ENGASE: variants seen among roughly 807,000 people sequenced by gnomAD.
The protein encoded by ENGASE is endo-beta-N-acetylglucosaminidase.
A neutral mutation model predicts 78.5 loss-of-function variants in ENGASE; 69 were observed. The observed-to-expected ratio is 0.88, with a 90% CI of 0.72 to 1.07. The LOEUF (loss-of-function observed/expected upper bound fraction) is 1.07. Among genes scored for constraint, ENGASE ranks in the 50% least tolerant of loss-of-function variants. ENGASE has a pLI of 0.00. For synonymous variants in ENGASE, 408 were observed against 408.9 expected (o/e 1.00, Z 0.03); for missense variants, 943 against 988.4 (o/e 0.95, Z 0.62).
At chr17:79,082,314 G>A (rs899301802) in intron 7 of ENGASE, 9 of 1,397,544 alleles carry the variant, frequency 6.4e-6, no homozygotes, top group Middle Eastern at 1.9e-4. Flanking sequence ...AGACAGAGGC[G>A]CGTCGTTCCC....
chr17:79,087,162 G>A lies in ENGASE; in HGVS notation c.*813G>A, dbSNP rs967042888. 2.9e-5 allele frequency: 12 copies of A among 415,094 alleles called. No homozygotes were observed. Among genetic ancestry groups the A allele is most frequent in the Non-Finnish European group, 5.9e-5 (12 of 201,794 alleles). 25.7% of individuals were successfully genotyped at this position (415,094 alleles called of 1,614,324 possible). On this transcript the variant is annotated 3_prime_UTR_variant, in exon 14 of 14. Transcript: ENST00000579016. Reference sequence around the variant, plus strand: ...AGAGGCCGTGGGCTCTGGACAAGCCGCCCTTCAGGCTGGGGTAGCAGGTCA... The same window carrying A: ...AGAGGCCGTGGGCTCTGGACAAGCCACCCTTCAGGCTGGGGTAGCAGGTCA...
rs768983444 is a variant in ENGASE, at chr17:79,082,751, C to T, written c.1039-269C>T. On this transcript the variant is annotated intron_variant, in intron 7 of 13. Coordinates refer to ENST00000579016, the MANE Select transcript of ENGASE (RefSeq NM_001042573.3). ...GAGGTGTGCCAGAGGACAATGGGACCGCGCAGCCACAGCCAGTTGGGGCCC... is the reference window on the plus strand; with the variant it reads ...GAGGTGTGCCAGAGGACAATGGGACTGCGCAGCCACAGCCAGTTGGGGCCC... 35 of 1,440,794 alleles carry T rather than the reference C, an allele frequency of 2.4e-5. No individual in the cohort carries two copies. In the Admixed American group the frequency reaches 3.1e-4, roughly 13 times the overall value. 89.3% of individuals were successfully genotyped at this position (1,440,794 alleles called of 1,614,324 possible).
intron 1 of ENGASE, 125 bp downstream of exon 1, chr17:79,075,215 C>T (rs1245366655): frequency 1.5e-5 from 16 of 1,092,926 alleles, no homozygotes; most frequent in Non-Finnish European, 1.8e-5. Flanking sequence ...CCGCTCCGTG[C>T]ACAGTAAGGG....
At chr17:79,075,147 C>A (rs912667506) in intron 1 of ENGASE, 57 bp downstream of exon 1, 2 of 1,196,214 alleles carry the variant, frequency 1.7e-6, no homozygotes, top group Non-Finnish European at 2.1e-6. Context: ...TCCGTGGCCC[C>A]GGGGCCCGAG....
chr17:79,085,585 G>A (rs765890362), intron 12 of ENGASE, 35 bp from the exon 13 acceptor site: 44 of 1,609,702 alleles, frequency 2.7e-5, no homozygotes, highest in Non-Finnish European at 9.3e-6. Context: ...CCTCTGGGCT[G>A]AGCCCGGCCA....
chr17:79,078,349 A>T (rs1229494133), intron 3 of ENGASE, among the ~76,000 whole-genome samples: 1 of 152,214 alleles, frequency 6.6e-6, no homozygotes, highest in Admixed American at 6.5e-5. Flanking sequence ...CAAAAAAATA[A>T]AAAATAAAAA....
At position 79,085,941 on chromosome 17, in the gene ENGASE, C is replaced by T. The variant is rs370521068; in HGVS notation, c.1824C>T (p.Asp608=). 71 of 1,595,306 alleles carry T rather than the reference C, an allele frequency of 4.5e-5. No homozygotes were observed. The highest frequency in any genetic ancestry group is 1.7e-4 in the Middle Eastern group (1 of 5,976). Residue 608 remains aspartate (D), a synonymous_variant, in exon 14 of 14, where the codon GAC becomes GAT. Coordinates refer to ENST00000579016, the MANE Select transcript of ENGASE (RefSeq NM_001042573.3). ...GCCTTCTCTCCTGCCAGGTGGTGGA[C>T]GCTGCCAGCCTGCTGGCCCCTCTGC... ...TCRLGEIQVV[D]AASLLAPLPQ...
rs1382191866 is a variant in ENGASE, at chr17:79,081,994, TGATGTGTACGTGGGCGTG to T, written c.977_994del (p.Tyr326_Val331del). 6.2e-7 allele frequency: 1 copy of T among 1,614,230 alleles called. No homozygotes were observed. The highest frequency in any genetic ancestry group is 8.5e-7 in the Non-Finnish European group (1 of 1,180,034). On this transcript the variant is annotated inframe_deletion, in exon 7 of 14. Transcript: ENST00000579016. ...TGGGGCAGGCTGGGGAGCGCCGGGC[TGATGTGTACGTGGGCGTG>T]GATGTGTTTGCTCGAGGGAACGTGG...
intron 6 of ENGASE, among the ~76,000 whole-genome samples, chr17:79,081,623 T>C (rs1260983989): frequency 2.0e-5 from 3 of 152,022 alleles, no homozygotes; most frequent in Admixed American, 2.0e-4. Context: ...TCCTAGGTCC[T>C]GGAGGCAGCT....
At chr17:79,080,054 G>T (rs922970576) in intron 4 of ENGASE, among the ~76,000 whole-genome samples, 153 bp from the exon 5 acceptor site, 13 of 152,276 alleles carry the variant, frequency 8.5e-5, no homozygotes, top group African/African-American at 3.1e-4. Context: ...TGCACTGGCA[G>T]AGTGTCTGAT....
In ENGASE at chr17:79,083,449, C is replaced by T. The variant is rs376754599; in HGVS notation, c.1143-33C>T. 1.3e-5 allele frequency: 20 copies of T among 1,547,874 alleles called. No individual in the cohort carries two copies. In the African/African-American group the frequency reaches 1.8e-4, roughly 14 times the overall value. On this transcript the variant is annotated intron_variant, in intron 8 of 13. Transcript: ENST00000579016. The surrounding 1 kb of genome is among the most constrained non-coding windows in gnomAD (Gnocchi z 4.9). The stretch of plus-strand genomic sequence containing the variant: ...CACTGAGAGGCTCCCTCCCTTCCTC[C>T]GGACCGAGCTGTTGCCCCCATGTCT...
At chr17:79,085,492 C>T in intron 12 of ENGASE, 128 bp from the exon 13 acceptor site, 1 of 1,402,378 alleles carries the variant, frequency 7.1e-7, no homozygotes, top group Non-Finnish European at 9.7e-7. Flanking sequence ...GGGAGCCCTG[C>T]TGTCGGCCTG....
In ENGASE at chr17:79,081,073, G is replaced by T; in HGVS notation, c.872G>T (p.Arg291Met). ...CAAGACGAACTCAACCAGCACAACA[G>T]GTGAGCCTGCAGACAGGTGCTGTGA... ...KWQDELNQHN[R>M]VFFDSCDGFF... The change falls in exon 6 of 14, where the codon AGG (arginine) becomes ATG (methionine). Residue 291 changes from arginine to methionine, a missense_variant and splice_region_variant. Arg to Met is a moderately conservative substitution (Grantham distance 91). Coordinates refer to ENST00000579016, the MANE Select transcript of ENGASE (RefSeq NM_001042573.3). 6.2e-7 allele frequency: 1 copy of T among 1,603,882 alleles called. No homozygotes were observed. Among genetic ancestry groups the T allele is most frequent in the Admixed American group, 1.7e-5 (1 of 58,732 alleles).
Position 79,085,461 on chromosome 17 carries a change from CAG to C in ENGASE, c.1700+121_1700+122del, listed in dbSNP as rs990388121. ...CCCCAGGTTTTGGGCAGCTCTGAGA[CAG>C]AAGCCCAGGACAGCTGCTGGGAGCC... On this transcript the variant is annotated intron_variant, in intron 12 of 13. Coordinates refer to ENST00000579016, the MANE Select transcript of ENGASE (RefSeq NM_001042573.3). 12 of 1,333,268 alleles carry C rather than the reference CAG, an allele frequency of 9.0e-6. No homozygotes were observed. The South Asian group carries it at 1.0e-4, about 11-fold the overall frequency. The allele number at this position is 1,333,268 out of a possible 1,614,324, so 82.6% of individuals were successfully genotyped here. A position where few individuals can be genotyped will look rare whatever the true frequency, so the allele number is the denominator to read the frequency against.
Position 79,077,815 on chromosome 17 carries a change from C to T in ENGASE, c.367C>T (p.Pro123Ser). The change falls in exon 3 of 14, where the codon CCC becomes TCC. Residue 123 changes from proline (P) to serine (S), a missense_variant. Coordinates refer to ENST00000579016, the MANE Select transcript of ENGASE (RefSeq NM_001042573.3). ...CCAGCCCCCTCTGAGCAGCCAGAGGCCCCGGACTTTGTTGTGTCATGACAT... is the reference window on the plus strand; with the variant it reads ...CCAGCCCCCTCTGAGCAGCCAGAGGTCCCGGACTTTGTTGTGTCATGACAT... ...CRQPPLSSQRPRTLLCHDMMG... is the reference protein window; with the variant it reads ...CRQPPLSSQRSRTLLCHDMMG... 6.2e-7 allele frequency: 1 copy of T among 1,614,010 alleles called. No individual in the cohort carries two copies. The highest frequency in any genetic ancestry group is 8.5e-7 in the Non-Finnish European group (1 of 1,180,016).
intron 1 of ENGASE, among the ~76,000 whole-genome samples, chr17:79,076,993 C>T (rs909419904): frequency 2.0e-5 from 3 of 152,236 alleles, no homozygotes; most frequent in African/African-American, 7.2e-5. Context: ...CCTGCCTCAG[C>T]CTCCCAAGGT....
intron 7 of ENGASE, chr17:79,082,795 C>G: frequency 6.7e-7 from 1 of 1,487,688 alleles, no homozygotes; most frequent in Non-Finnish European, 9.0e-7. Context: ...CCCCCCTGCC[C>G]TTGCAGCAGC....
In ENGASE at chr17:79,083,221, C is replaced by T. The variant is rs571140326; in HGVS notation, c.1142+98C>T. 1.2e-5 allele frequency: 11 copies of T among 951,638 alleles called. No individual in the cohort carries two copies. Among genetic ancestry groups the T allele is most frequent in the Middle Eastern group, 2.8e-4 (1 of 3,610 alleles). 58.9% of individuals were successfully genotyped at this position (951,638 alleles called of 1,614,324 possible). The stretch of plus-strand genomic sequence containing the variant: ...ACGTTTGTGCTCTTTAGTGACCCTT[C>T]CTATGGGGGGGTGGTTAAGGGAGGA... On this transcript the variant is annotated intron_variant, in intron 8 of 13. Transcript: ENST00000579016. The surrounding 1 kb of genome is among the most constrained non-coding windows in gnomAD (Gnocchi z 4.9).
chr17:79,085,105 C>T (rs904707720), intron 11 of ENGASE, 129 bp from the exon 12 acceptor site: 1 of 763,604 alleles, frequency 1.3e-6, no homozygotes. Flanking sequence ...CTGGTTGCTT[C>T]TTGGGACCCG....
Sources: gnomAD v4.1 joint callset for allele counts (sites outside exome capture counted in the v4.1 genomes callset) on GRCh38, gnomAD v4.1.1 for gene constraint, Gnocchi (gnomAD v3.1) non-coding constraint, MANE v1.5 for transcripts, NCBI Gene and HGNC (gene_info 2026-07-23, HGNC 2026-07-21) for gene names.